NOL9: variants seen among roughly 807,000 people sequenced by gnomAD.
NOL9 encodes the protein nucleolar protein 9.
Under a neutral mutation model 67.9 loss-of-function variants are expected in NOL9, and 28 were observed. That is an observed-to-expected ratio of 0.41 (90% CI 0.31 to 0.57). The LOEUF (loss-of-function observed/expected upper bound fraction) is 0.57. Among genes scored for constraint, NOL9 ranks in the 20% least tolerant of loss-of-function variants. The probability of loss-of-function intolerance (pLI) is 0.25; values close to 1 mark genes in which losing one functional copy is unlikely to be tolerated. For missense variants in NOL9, 777 were observed against 897.0 expected, an observed-to-expected ratio of 0.87 and a Z score of 1.71; for synonymous variants, 356 against 352.2, an observed-to-expected ratio of 1.01 and a Z score of -0.12.
In NOL9 at chr1:6,526,830, C is replaced by T; in HGVS notation, c.1826-1G>A. The T allele has an allele frequency of 1.3e-6, 2 of 1,595,920 alleles. No individual in the cohort carries two copies. Among genetic ancestry groups the T allele is most frequent in the Non-Finnish European group, 8.5e-7 (1 of 1,172,354 alleles). On this transcript the variant is annotated splice_acceptor_variant, in intron 10 of 11. Coordinates refer to ENST00000377705, the MANE Select transcript of NOL9 (RefSeq NM_024654.5). LOFTEE classifies it high-confidence loss of function. ...TCCATGTCAATGCCTCTACAGATGCCTTCAAGACACGCGCACAACACAAAA... is the reference window on the plus strand; with the variant it reads ...TCCATGTCAATGCCTCTACAGATGCTTTCAAGACACGCGCACAACACAAAA...
intron 6 of NOL9, among the ~76,000 whole-genome samples, chr1:6,535,569 T>C (rs1639134375): frequency 6.6e-6 from 1 of 152,192 alleles, no homozygotes; most frequent in Non-Finnish European, 1.5e-5. Context: ...CATAGGGATA[T>C]TGTACACATA....
In NOL9 at chr1:6,528,850, C is replaced by T. The variant is rs72862819; in HGVS notation, c.1825+144G>A. 130 of 691,502 alleles carry T rather than the reference C, an allele frequency of 1.9e-4. No individual in the cohort carries two copies. The African/African-American group carries it at 2.2e-3, about 11-fold the overall frequency. 42.8% of individuals were successfully genotyped at this position (691,502 alleles called of 1,614,324 possible). ...AGCTGCTTCCTTCCTGGCCTCCAGC[C>T]CCTAAGGCGTGCTATATAGATGAGT... On this transcript the variant is annotated intron_variant, in intron 10 of 11. Coordinates refer to ENST00000377705, the MANE Select transcript of NOL9 (RefSeq NM_024654.5).
chr1:6,532,815 A>C, intron 7 of NOL9, 55 bp from the exon 8 acceptor site: 2 of 1,462,298 alleles, frequency 1.4e-6, no homozygotes, highest in Non-Finnish European at 9.3e-7. Context: ...TGACGCGCTC[A>C]AGAACAGTGA....
In NOL9 at chr1:6,550,426, G is replaced by A. The variant is rs148133108; in HGVS notation, c.586C>T (p.Arg196Trp). ...KSKKELKREA[R>W]NLLKSHLNLD... ...TTAAGATGAGATTTGAGCAAATTCC[G>A]GGCTTCCCTTTTCAGTTCCTTCTTG... The change falls in exon 2 of 12, where the codon CGG becomes TGG. Residue 196 changes from arginine to tryptophan, a missense_variant. Arg to Trp is a moderately radical substitution (Grantham distance 101). Coordinates refer to ENST00000377705, the MANE Select transcript of NOL9 (RefSeq NM_024654.5). The A allele has an allele frequency of 2.5e-4, 407 of 1,614,090 alleles. 1 individual carries two copies. Among genetic ancestry groups the A allele is most frequent in the Middle Eastern group, 2.1e-3 (13 of 6,060 alleles).
chr1:6,543,896 C>T (rs868713838), intron 5 of NOL9, among the ~76,000 whole-genome samples: 3 of 151,876 alleles, frequency 2.0e-5, no homozygotes, highest in Non-Finnish European at 2.9e-5. Context: ...GAGGCTAAGG[C>T]GGGCAGATAA....
intron 6 of NOL9, among the ~76,000 whole-genome samples, chr1:6,535,702 G>C (rs1415478922): frequency 2.6e-5 from 4 of 152,186 alleles, no homozygotes; most frequent in African/African-American, 9.7e-5. Context: ...CAAGGCAGGT[G>C]GATCACCTGA....
intron 9 of NOL9, among the ~76,000 whole-genome samples, chr1:6,531,753 G>T (rs1463972911): frequency 6.6e-6 from 1 of 152,148 alleles, no homozygotes; most frequent in Non-Finnish European, 1.5e-5. Context: ...GGGCCTGCAT[G>T]CCAGCCCAGC....
intron 3 of NOL9, 142 bp downstream of exon 3, chr1:6,549,429 C>T: frequency 1.1e-6 from 1 of 878,332 alleles, no homozygotes; most frequent in Non-Finnish European, 1.7e-6. Flanking sequence ...ATAATAGTTT[C>T]CGTATACACG....
intron 1 of NOL9, among the ~76,000 whole-genome samples, chr1:6,553,313 G>A (rs1410654724): frequency 2.0e-5 from 3 of 152,070 alleles, no homozygotes; most frequent in African/African-American, 7.2e-5. Flanking sequence ...CTCCAGGAAT[G>A]GCATCCACGT....
rs746421098 is a variant in NOL9, at chr1:6,532,679, T to A, written c.1319A>T (p.Lys440Ile). Residue 440 changes from lysine to isoleucine, a missense_variant, in exon 8 of 12, where the codon AAA (lysine) becomes ATA (isoleucine). Coordinates refer to ENST00000377705, the MANE Select transcript of NOL9 (RefSeq NM_024654.5). The stretch of plus-strand genomic sequence containing the variant: ...CTGCGGGGTAAGGTCTGGCATATAT[T>A]TACTGTGGTCAGAGCGGAACTGAAC... ...HVVQFRSDHS[K>I]YMPDLTPQYV... 1 of 1,614,168 alleles carries A rather than the reference T, an allele frequency of 6.2e-7. No homozygotes were observed. Among genetic ancestry groups the A allele is most frequent in the South Asian group, 1.1e-5 (1 of 91,080 alleles).
chr1:6,525,897 T>C lies in NOL9; in HGVS notation c.2066A>G (p.Glu689Gly). 3 of 1,614,212 alleles carry C rather than the reference T, an allele frequency of 1.9e-6. No homozygotes were observed. The highest frequency in any genetic ancestry group is 2.5e-6 in the Non-Finnish European group (3 of 1,180,032). The change falls in exon 12 of 12, where the codon GAG (glutamate) becomes GGG (glycine). Residue 689 changes from glutamate to glycine, a missense_variant. This residue lies in a region of NOL9 where 413 missense variants were observed against 552.6 expected (regional missense o/e 0.75). Transcript: ENST00000377705. The stretch of plus-strand genomic sequence containing the variant: ...GAACTTAGGTCTTCGGTATGGTTTC[T>C]CTTTATGTGCCTCCTCAGGTTCTCT... ...GAREPEEAHK[E>G]KPYRRPKFCR...
intron 3 of NOL9, among the ~76,000 whole-genome samples, chr1:6,545,560 T>C (rs775775706): frequency 2.8e-4 from 43 of 152,084 alleles, no homozygotes; most frequent in Non-Finnish European, 4.7e-4. Context: ...ACAGAACATA[T>C]GCAAACAGAG....
intron 2 of NOL9, among the ~76,000 whole-genome samples, 191 bp from the exon 3 acceptor site, chr1:6,549,889 A>G (rs935780928): frequency 6.6e-6 from 1 of 152,112 alleles, no homozygotes; most frequent in African/African-American, 2.4e-5. Flanking sequence ...GGTTTGCCAC[A>G]TAATAATTCT....
intron 8 of NOL9, 147 bp downstream of exon 8, chr1:6,532,316 G>A: frequency 1.2e-6 from 1 of 820,200 alleles, no homozygotes. Context: ...TAACAGTTCA[G>A]AAAACAACTG....
intron 1 of NOL9, among the ~76,000 whole-genome samples, chr1:6,553,893 G>A (rs1163890435): frequency 6.6e-6 from 1 of 152,114 alleles, no homozygotes; most frequent in East Asian, 1.9e-4. Context: ...CCTTTAGCTC[G>A]TAAGGCCTAG....
intron 3 of NOL9, among the ~76,000 whole-genome samples, chr1:6,549,005 C>T (rs1639482454): frequency 6.6e-6 from 1 of 152,076 alleles, no homozygotes; most frequent in East Asian, 1.9e-4. Flanking sequence ...TCACTTCATC[C>T]CGGGAGGCAG....
At chr1:6,548,198 T>C (rs570562934) in intron 3 of NOL9, 10 of 145,780 alleles carry the variant, frequency 6.9e-5, no homozygotes, top group East Asian at 2.1e-4. Context: ...CAGGCTGGAG[T>C]GTGCAGTGGC....
At position 6,524,207 on chromosome 1, in the gene NOL9, G is replaced by A. The variant is rs1638830052; in HGVS notation, c.*1647C>T. On this transcript the variant is annotated 3_prime_UTR_variant, in exon 12 of 12. Transcript: ENST00000377705. ...TTTGCTGTTGGGTCTAAGAGGTGCT[G>A]AGGGGCCACTGTAAAATACTAAAGA... The A allele has an allele frequency of 6.6e-6, 1 of 151,980 alleles. No homozygotes were observed. Among genetic ancestry groups the A allele is most frequent in the Non-Finnish European group, 1.5e-5 (1 of 68,024 alleles). 9.4% of individuals were successfully genotyped at this position (151,980 alleles called of 1,614,324 possible).
At chr1:6,536,369 T>A (rs1365261899) in intron 6 of NOL9, among the ~76,000 whole-genome samples, 2 of 84,534 alleles carry the variant, frequency 2.4e-5, no homozygotes, top group African/African-American at 7.4e-5. Context: ...TAAAATAAAA[T>A]AAAAAAATAA....
Sources: gnomAD v4.1 joint callset for allele counts (sites outside exome capture counted in the v4.1 genomes callset) on GRCh38, gnomAD v4.1.1 for gene constraint, gnomAD v4.1.1 regional missense constraint, MANE v1.5 for transcripts, NCBI Gene and HGNC (gene_info 2026-07-23, HGNC 2026-07-21) for gene names.